DLEC1: variants seen among roughly 807,000 people sequenced by gnomAD.
The protein encoded by DLEC1 is deleted in lung and esophageal cancer protein 1.
Under a neutral mutation model 198.1 loss-of-function variants are expected in DLEC1, and 146 were observed. The ratio of observed to expected loss-of-function variants is 0.74; its 90% CI spans 0.64 to 0.85. The LOEUF is 0.85. Ranked by LOEUF, DLEC1 falls within the 40% of genes least tolerant of loss-of-function variation. The pLI is 0.00. For synonymous variants in DLEC1, 897 were observed against 866.8 expected (o/e 1.03, Z -0.61); for missense variants, 2,233 against 2,220.0 (o/e 1.01, Z -0.12).
At chr3:38,095,466 C>T (rs1013591331) in intron 13 of DLEC1, 10 of 302,796 alleles carry the variant, frequency 3.3e-5, no homozygotes, top group Non-Finnish European at 5.7e-5. Context: ...CTGTGGGCCA[C>T]GGTAGGCTAG....
At position 38,097,604 on chromosome 3, in the gene DLEC1, G is replaced by A. The variant is rs201876719; in HGVS notation, c.2532G>A (p.Ser844=). The part of the protein sequence containing the change: ...DLLCEIEDSP[S]PVVLHIEAVF... ...TGTGTGAAATCGAAGACTCGCCCTC[G>A]CCAGTGGTGTTACACATTGAGGCTG... The change falls in exon 17 of 37, where the codon TCG becomes TCA. Residue 844 remains serine, a synonymous_variant. Coordinates refer to ENST00000308059, the MANE Select transcript of DLEC1 (RefSeq NM_007335.4). The A allele has an allele frequency of 2.5e-5, 40 of 1,614,044 alleles. No homozygotes were observed. In the Admixed American group the frequency reaches 3.2e-4, roughly 13 times the overall value.
chr3:38,092,638 T>G (rs1465173808), intron 10 of DLEC1, 152 bp from the exon 11 acceptor site: 1 of 705,746 alleles, frequency 1.4e-6, no homozygotes, highest in African/African-American at 1.8e-5. Context: ...GGTAAAACAC[T>G]TGGCCTTAGG....
At chr3:38,120,399 C>A in intron 33 of DLEC1, 49 bp from the exon 34 acceptor site, 1 of 1,602,344 alleles carries the variant, frequency 6.2e-7, no homozygotes, top group South Asian at 1.1e-5. Flanking sequence ...GGGGAAGTGG[C>A]CACCTGCCCT....
At chr3:38,073,795 A>C (rs551038702) in intron 6 of DLEC1, among the ~76,000 whole-genome samples, 1 of 152,322 alleles carries the variant, frequency 6.6e-6, no homozygotes, top group East Asian at 1.9e-4. Flanking sequence ...AAAGAAGGCA[A>C]CATGGAGTGG....
In DLEC1 at chr3:38,093,766, A is replaced by T. The variant is rs533098291; in HGVS notation, c.1918A>T (p.Thr640Ser). 33 of 1,613,752 alleles carry T rather than the reference A, an allele frequency of 2.0e-5. No homozygotes were observed. The highest frequency in any genetic ancestry group is 2.7e-5 in the Non-Finnish European group (32 of 1,180,010). Residue 640 changes from threonine (T) to serine (S), a missense_variant and splice_region_variant, in exon 12 of 37, where the codon ACG becomes TCG. Coordinates refer to ENST00000308059, the MANE Select transcript of DLEC1 (RefSeq NM_007335.4). ...ARKQLIIRNA[T>S]HVELAFYWQI... Reference sequence around the variant, plus strand: ...GAAGCAGCTGATTATTAGAAATGCTACGTGGGTAACCCCTGTGTGTGCCCC... The same window carrying T: ...GAAGCAGCTGATTATTAGAAATGCTTCGTGGGTAACCCCTGTGTGTGCCCC...
rs1699675103 is a variant in DLEC1, at chr3:38,108,306, G to C, written c.3019-99G>C. 4 of 1,010,286 alleles carry C rather than the reference G, an allele frequency of 4.0e-6. No homozygotes were observed. In the South Asian group the frequency reaches 5.9e-5, roughly 15 times the overall value. 62.6% of individuals were successfully genotyped at this position (1,010,286 alleles called of 1,614,324 possible). Reference sequence around the variant, plus strand: ...TTTTGCTGTGGGCCCCAGTCTGCCAGTCTCCAGCATTGCATGCAGCAGTGC... The same window carrying C: ...TTTTGCTGTGGGCCCCAGTCTGCCACTCTCCAGCATTGCATGCAGCAGTGC... On this transcript the variant is annotated intron_variant, in intron 20 of 36. Coordinates refer to ENST00000308059, the MANE Select transcript of DLEC1 (RefSeq NM_007335.4).
chr3:38,099,723 C>G (rs1055673576), intron 18 of DLEC1, among the ~76,000 whole-genome samples: 4 of 151,592 alleles, frequency 2.6e-5, no homozygotes, highest in Admixed American at 6.6e-5. Context: ...TCTTTCCCTT[C>G]CCCTCTCCCT....
At chr3:38,076,457 A>T (rs549114890) in intron 6 of DLEC1, among the ~76,000 whole-genome samples, 126 of 151,504 alleles carry the variant, frequency 8.3e-4, no homozygotes, top group Non-Finnish European at 1.4e-3. Flanking sequence ...TTACAGTCAA[A>T]GGGGGTTTGT....
At chr3:38,090,656 G>A (rs562155402) in intron 10 of DLEC1, among the ~76,000 whole-genome samples, 2 of 152,316 alleles carry the variant, frequency 1.3e-5, no homozygotes, top group Non-Finnish European at 2.9e-5. Flanking sequence ...CTGATCCAGC[G>A]CTTTGTGCCC....
intron 10 of DLEC1, among the ~76,000 whole-genome samples, chr3:38,091,976 T>A (rs2078719): frequency 0.34 from 51,727 of 152,064 alleles, 9,169 homozygotes; most frequent in East Asian, 0.56. Flanking sequence ...GGAACTACCA[T>A]ATGATTCAGC....
At chr3:38,039,776 C>T (rs965231438) in intron 1 of DLEC1, 140 bp downstream of exon 1, 6 of 1,156,418 alleles carry the variant, frequency 5.2e-6, no homozygotes, top group Non-Finnish European at 7.1e-6. Flanking sequence ...CGAAGTGGGC[C>T]CGACATTCTA....
intron 31 of DLEC1, 52 bp from the exon 32 acceptor site, chr3:38,117,475 C>T (rs1424472614): frequency 6.2e-7 from 1 of 1,611,474 alleles, no homozygotes; most frequent in African/African-American, 1.3e-5. Flanking sequence ...GTGGGGGCAG[C>T]CAGAAGGCCC....
At chr3:38,095,195 A>G (rs1049801271) in intron 13 of DLEC1, 124 bp downstream of exon 13, 2 of 1,242,784 alleles carry the variant, frequency 1.6e-6, no homozygotes, top group Non-Finnish European at 2.2e-6. Flanking sequence ...TGCCCAGGCC[A>G]GCACTTGGCT....
rs1575367593 is a variant in DLEC1, at chr3:38,039,371, T to C, written c.146T>C (p.Leu49Pro). 1 of 1,614,198 alleles carries C rather than the reference T, an allele frequency of 6.2e-7. No individual in the cohort carries two copies. Residue 49 changes from leucine to proline, a missense_variant, in exon 1 of 37, where the codon CTC (leucine) becomes CCC (proline). Coordinates refer to ENST00000308059, the MANE Select transcript of DLEC1 (RefSeq NM_007335.4). ...TGGAAGTCCTCCTTGTATTCCTCCC[T>C]CGCCTACTCTGAGGCCTTCCACTAC... Reference protein sequence around the residue: ...PTWKSSLYSSLAYSEAFHYSF... With the variant: ...PTWKSSLYSSPAYSEAFHYSF...
chr3:38,106,142 T>A (rs1417065788), intron 19 of DLEC1, among the ~76,000 whole-genome samples: 1 of 152,224 alleles, frequency 6.6e-6, no homozygotes, highest in East Asian at 1.9e-4. Flanking sequence ...TCAAGACAGT[T>A]TTACAGTTAT....
Position 38,122,199 on chromosome 3 carries a change from A to G in DLEC1, c.5144+5A>G. 3 of 1,613,472 alleles carry G rather than the reference A, an allele frequency of 1.9e-6. No homozygotes were observed. Among genetic ancestry groups the G allele is most frequent in the Non-Finnish European group, 2.5e-6 (3 of 1,179,628 alleles). ...GCAGGTTTTCTTCACTGCCAGGTGC[A>G]GCCCCTTCCAACCTTCCCCAAACTG... On this transcript the variant is annotated splice_donor_5th_base_variant and intron_variant, in intron 36 of 36. Coordinates refer to ENST00000308059, the MANE Select transcript of DLEC1 (RefSeq NM_007335.4).
chr3:38,049,071 G>T (rs1180737827), intron 2 of DLEC1, among the ~76,000 whole-genome samples: 1 of 120,632 alleles, frequency 8.3e-6, no homozygotes, highest in Admixed American at 8.4e-5. Flanking sequence ...TTAACTATTT[G>T]GGTTTTTTTT....
At chr3:38,122,009 T>G in intron 35 of DLEC1, 62 bp from the exon 36 acceptor site, 1 of 1,595,324 alleles carries the variant, frequency 6.3e-7, no homozygotes, top group Non-Finnish European at 8.6e-7. Context: ...GTGGGTAAAG[T>G]CTTCCTGTGG....
chr3:38,121,538 C>A, intron 34 of DLEC1, 90 bp from the exon 35 acceptor site: 3 of 1,491,212 alleles, frequency 2.0e-6, no homozygotes, highest in Non-Finnish European at 2.7e-6. Context: ...TCAGGAGCAT[C>A]AGCACTTGGG....
Sources: allele counts gnomAD v4.1 joint callset (sites outside exome capture counted in the v4.1 genomes callset), GRCh38; gene constraint gnomAD v4.1.1; transcripts MANE v1.5; gene names NCBI Gene and HGNC (gene_info 2026-07-23, HGNC 2026-07-21).